The following UTP20 variants were observed in gnomAD, a reference collection of about 807,000 sequenced individuals.
The protein encoded by UTP20 is UTP20 small subunit processome component.
Under a neutral mutation model 329.5 loss-of-function variants are expected in UTP20, and 164 were observed. The ratio of observed to expected loss-of-function variants is 0.50; its 90% confidence interval spans 0.44 to 0.57. The LOEUF is 0.57. UTP20 is among the 20% of genes least tolerant of loss of function. The probability of loss-of-function intolerance (pLI) is 0.00; values close to 1 mark genes in which losing one functional copy is unlikely to be tolerated. For synonymous variants in UTP20, 1,151 were observed against 1,159.3 expected, an observed-to-expected ratio of 0.99 and a Z score of 0.14; for missense variants, 3,055 against 3,284.2, an observed-to-expected ratio of 0.93 and a Z score of 1.71.
At chr12:101,361,517 T>G (rs1869916409) in intron 43 of UTP20, among the ~76,000 whole-genome samples, 1 of 151,818 alleles carries the variant, frequency 6.6e-6, no homozygotes, top group Non-Finnish European at 1.5e-5. Flanking sequence ...TCCTAGCTAC[T>G]CGGGAGGCTG....
At position 101,385,804 on chromosome 12, in the gene UTP20, T is replaced by TA. The variant is rs376097197; in HGVS notation, c.8202+77dup. ...TAAGTGTGCATGTTTGTGTCACACT[T>TA]ACACTTAGGGAGGATCAAGGGTTTG... On this transcript the variant is annotated intron_variant, in intron 61 of 61. Transcript: ENST00000261637. 2.6e-6 allele frequency: 4 copies of TA among 1,543,846 alleles called. No homozygotes were observed. The African/African-American group carries it at 5.6e-5, about 22-fold the overall frequency.
At chr12:101,340,937 CTTTTTTTTTTTTTTTTTT>C (rs71091488) in intron 32 of UTP20, among the ~76,000 whole-genome samples, 1 of 82,970 alleles carries the variant, frequency 1.2e-5, no homozygotes, top group Non-Finnish European at 2.7e-5. Flanking sequence ...ATTGTGTAAT[CTTTTTTTTTTTTTTTTTT>C]TTTTTTTTTT....
intron 18 of UTP20, 81 bp downstream of exon 18, chr12:101,308,424 AAATAATAAT>A: frequency 1.5e-6 from 1 of 659,412 alleles, no homozygotes; most frequent in Non-Finnish European, 1.9e-6. Flanking sequence ...GTAGTCACCA[AAATAATAAT>A]AATAATAATA....
In UTP20 at chr12:101,343,896, T is replaced by C. The variant is rs570428042; in HGVS notation, c.4450-699T>C. On this transcript the variant is annotated intron_variant, in intron 35 of 61. Transcript: ENST00000261637. Reference sequence around the variant, plus strand: ...ACATGCAACTATACTAATTGAAAATTATCCCTTTTTTATTGAAGTTATAAG... The same window carrying C: ...ACATGCAACTATACTAATTGAAAATCATCCCTTTTTTATTGAAGTTATAAG... 2.0e-5 allele frequency among the ~76,000 whole-genome samples: 3 copies of C among 152,324 alleles called. No homozygotes were observed. In the South Asian group the frequency reaches 6.2e-4, roughly 32 times the overall value.
chr12:101,310,170 T>A (rs1872741596), intron 19 of UTP20, among the ~76,000 whole-genome samples: 1 of 152,240 alleles, frequency 6.6e-6, no homozygotes, highest in Admixed American at 6.5e-5. Context: ...ATTTTATTTC[T>A]ATATTTTGAG....
chr12:101,280,936 A>T (rs1871776458), intron 1 of UTP20, among the ~76,000 whole-genome samples, 180 bp from the exon 2 acceptor site: 1 of 152,350 alleles, frequency 6.6e-6, no homozygotes, highest in South Asian at 2.1e-4. Context: ...ATGCAAACAT[A>T]GAAGTATTCA....
chr12:101,334,228 A>G (rs557309851), intron 28 of UTP20, among the ~76,000 whole-genome samples, 197 bp from the exon 29 acceptor site: 1 of 152,196 alleles, frequency 6.6e-6, no homozygotes, highest in Non-Finnish European at 1.5e-5. Flanking sequence ...ACTTCCATGC[A>G]TCACCTTTGC....
rs762000445 is a variant in UTP20, at chr12:101,385,566, T to C, written c.8057-17T>C. 2.4e-5 allele frequency: 38 copies of C among 1,603,872 alleles called. No individual in the cohort carries two copies. The highest frequency in any genetic ancestry group is 3.0e-5 in the Non-Finnish European group (35 of 1,177,714). On this transcript the variant is annotated splice_polypyrimidine_tract_variant and intron_variant, in intron 60 of 61. Coordinates refer to ENST00000261637, the MANE Select transcript of UTP20 (RefSeq NM_014503.3). Reference sequence around the variant, plus strand: ...TTTCCTACCTGTCTCTGATCATTACTCTTTGTGTGTGATTAGATCCTTTGC... The same window carrying C: ...TTTCCTACCTGTCTCTGATCATTACCCTTTGTGTGTGATTAGATCCTTTGC...
At chr12:101,282,615 T>C (rs74558939) in intron 2 of UTP20, among the ~76,000 whole-genome samples, 2,246 of 152,324 alleles carry the variant, frequency 0.015, 31 homozygotes, top group African/African-American at 0.036. Context: ...GTTCTAGGAC[T>C]GTAAGCAGGG....
chr12:101,338,986 A>T, intron 31 of UTP20, 29 bp downstream of exon 31: 1 of 1,556,028 alleles, frequency 6.4e-7, no homozygotes, highest in Non-Finnish European at 8.6e-7. Flanking sequence ...CTTAAAAGAT[A>T]ACATTACCAT....
At chr12:101,373,216 A>G (rs749808339) in intron 52 of UTP20, among the ~76,000 whole-genome samples, 185 bp from the exon 53 acceptor site, 2 of 152,178 alleles carry the variant, frequency 1.3e-5, no homozygotes, top group Non-Finnish European at 2.9e-5. Flanking sequence ...AATCTGACAC[A>G]CTTACATTTA....
At chr12:101,333,073 T>A (rs1478298938) in intron 27 of UTP20, among the ~76,000 whole-genome samples, 1 of 152,238 alleles carries the variant, frequency 6.6e-6, no homozygotes, top group Non-Finnish European at 1.5e-5. Flanking sequence ...ATAACTAGTG[T>A]GACTACTAGG....
At chr12:101,286,827 T>C (rs928675431) in intron 5 of UTP20, among the ~76,000 whole-genome samples, 1 of 152,162 alleles carries the variant, frequency 6.6e-6, no homozygotes, top group African/African-American at 2.4e-5. Context: ...ACCACCTATG[T>C]CACACAACTT....
chr12:101,311,577 C>A, intron 19 of UTP20, 142 bp from the exon 20 acceptor site: 1 of 670,246 alleles, frequency 1.5e-6, no homozygotes, highest in Admixed American at 3.1e-5. Context: ...TAGAAAAGTG[C>A]AAAAGGTGTT....
chr12:101,306,009 G>A lies in UTP20; in HGVS notation c.1876G>A (p.Ala626Thr). 6.2e-7 allele frequency: 1 copy of A among 1,613,784 alleles called. No individual in the cohort carries two copies. The highest frequency in any genetic ancestry group is 8.5e-7 in the Non-Finnish European group (1 of 1,179,848). The stretch of plus-strand genomic sequence containing the variant: ...CTGCAAAGGGCCACTTTCCCAGGAG[G>A]CTTTAATGGAATTATTTCCCAAGTT... ...CGCKGPLSQE[A>T]LMELFPKLQA... The change falls in exon 16 of 62, where the codon GCT becomes ACT. Residue 626 changes from alanine to threonine, a missense_variant. Transcript: ENST00000261637.
In UTP20 at chr12:101,344,691, G is replaced by T. The variant is rs923095333; in HGVS notation, c.4546G>T (p.Glu1516Ter). 3.1e-6 allele frequency: 5 copies of T among 1,612,594 alleles called. No homozygotes were observed. In the African/African-American group the frequency reaches 5.3e-5, roughly 17 times the overall value. Residue 1516 changes from glutamate (E) to a stop codon, truncating the protein, a stop_gained, in exon 36 of 62, where the codon GAA (glutamate) becomes TAA (stop). Transcript: ENST00000261637. LOFTEE classifies it high-confidence loss of function. Reference sequence around the variant, plus strand: ...GAATGTCACAGAGAAAGACTATAGAGAAATCATCCACCGTTCACTCCTGGA... The same window carrying T: ...GAATGTCACAGAGAAAGACTATAGATAAATCATCCACCGTTCACTCCTGGA... Reference protein sequence around the residue: ...ALNVTEKDYREIIHRSLLEKL... With the variant: ...ALNVTEKDYR
chr12:101,305,986 G>A lies in UTP20; in HGVS notation c.1853G>A (p.Cys618Tyr), dbSNP rs761009435. The change falls in exon 16 of 62, where the codon TGC becomes TAC. Residue 618 changes from cysteine (C) to tyrosine (Y), a missense_variant. Physicochemically the swap from Cys to Tyr is radical, Grantham distance 194. Coordinates refer to ENST00000261637, the MANE Select transcript of UTP20 (RefSeq NM_014503.3). ...TATCAGAGATTAGCCTTGTGTGGCTGCAAAGGGCCACTTTCCCAGGAGGCT... is the reference window on the plus strand; with the variant it reads ...TATCAGAGATTAGCCTTGTGTGGCTACAAAGGGCCACTTTCCCAGGAGGCT... ...LYYQRLALCG[C>Y]KGPLSQEALM... 14 of 1,613,834 alleles carry A rather than the reference G, an allele frequency of 8.7e-6. No individual in the cohort carries two copies. The highest frequency in any genetic ancestry group is 1.6e-4 in the Middle Eastern group (1 of 6,084).
At chr12:101,352,919 C>T (rs1869584013) in intron 39 of UTP20, 128 bp from the exon 40 acceptor site, 1 of 434,344 alleles carries the variant, frequency 2.3e-6, no homozygotes, top group South Asian at 9.1e-5. Context: ...TATGCTAATA[C>T]TTGTTAAAAT....
In UTP20 at chr12:101,383,170, G is replaced by A; in HGVS notation, c.7786G>A (p.Asp2596Asn). 6.2e-7 allele frequency: 1 copy of A among 1,614,010 alleles called. No homozygotes were observed. The highest frequency in any genetic ancestry group is 8.5e-7 in the Non-Finnish European group (1 of 1,179,888). ...EALEDGVACA[D>N]EKAESDGEEK... ...TTTAGAAGATGGTGTGGCCTGTGCA[G>A]ATGAGAAGGCGGAGTCTGACGGAGA... The change falls in exon 59 of 62, where the codon GAT becomes AAT. Residue 2596 changes from aspartate (D) to asparagine (N), a missense_variant. Physicochemically the swap from Asp to Asn is conservative, Grantham distance 23. Around this residue, in one of 3 missense-constraint regions of UTP20, gnomAD observed 337 missense variants for 345.5 expected, o/e 0.98. Coordinates refer to ENST00000261637, the MANE Select transcript of UTP20 (RefSeq NM_014503.3).
Sources: gnomAD v4.1 joint callset for allele counts (sites outside exome capture counted in the v4.1 genomes callset) on GRCh38, gnomAD v4.1.1 for gene constraint, gnomAD v4.1.1 regional missense constraint, MANE v1.5 for transcripts, NCBI Gene and HGNC (gene_info 2026-07-23, HGNC 2026-07-21) for gene names.